The following PLS1 variants were observed in gnomAD, a reference collection of about 807,000 sequenced individuals.
The protein encoded by PLS1 is plastin 1.
PLS1 carries 32 observed loss-of-function variants against 73.7 expected under a neutral mutation model. That is an observed-to-expected ratio of 0.43 (90% CI 0.33 to 0.58). PLS1 has a LOEUF of 0.58. Among genes scored for constraint, PLS1 ranks in the 20% least tolerant of loss-of-function variants. The pLI, the probability that PLS1 is intolerant of heterozygous loss-of-function variation, is 0.04. For missense variants in PLS1, 633 were observed against 740.5 expected (o/e 0.85, Z 1.68); for synonymous variants, 217 against 261.3 (o/e 0.83, Z 1.63).
At chr3:142,691,956 A>G (rs2038094415) in intron 10 of PLS1, among the ~76,000 whole-genome samples, 1 of 152,182 alleles carries the variant, frequency 6.6e-6, no homozygotes, top group South Asian at 2.1e-4. Flanking sequence ...TACACAGGCC[A>G]TAAACTATCA....
chr3:142,628,945 C>T (rs367706647), intron 1 of PLS1, among the ~76,000 whole-genome samples: 2 of 152,200 alleles, frequency 1.3e-5, no homozygotes, highest in African/African-American at 4.8e-5. Flanking sequence ...AGCAGAATGA[C>T]GAAATTCTCT....
chr3:142,633,891 C>A (rs1248536914), intron 1 of PLS1, among the ~76,000 whole-genome samples: 1 of 152,122 alleles, frequency 6.6e-6, no homozygotes, highest in Non-Finnish European at 1.5e-5. Context: ...CCAGAACTAA[C>A]ACAGTTATTA....
At chr3:142,710,004 A>G (rs554487204) in intron 14 of PLS1, among the ~76,000 whole-genome samples, 9 of 152,152 alleles carry the variant, frequency 5.9e-5, no homozygotes, top group Admixed American at 2.0e-4. Flanking sequence ...ATGACATTCT[A>G]CTTTAGAGAT....
At chr3:142,711,803 T>C (rs886755455) in intron 15 of PLS1, 69 bp from the exon 16 acceptor site, 3 of 1,527,166 alleles carry the variant, frequency 2.0e-6, no homozygotes, top group African/African-American at 1.4e-5. Context: ...AATATTTCAC[T>C]CTTTTGTTAA....
intron 1 of PLS1, among the ~76,000 whole-genome samples, chr3:142,601,159 T>G (rs1360537851): frequency 1.3e-5 from 2 of 150,442 alleles, no homozygotes; most frequent in Non-Finnish European, 3.0e-5. Flanking sequence ...TCTCCTGACC[T>G]CGTGATCCGC....
Position 142,698,073 on chromosome 3 carries a change from T to G in PLS1, c.1371+6T>G. 1 of 1,422,456 alleles carries G rather than the reference T, an allele frequency of 7.0e-7. No individual in the cohort carries two copies. The highest frequency in any genetic ancestry group is 2.3e-5 in the East Asian group (1 of 43,944). 88.1% of individuals were successfully genotyped at this position (1,422,456 alleles called of 1,614,324 possible). A position where few individuals can be genotyped will look rare whatever the true frequency, so the allele number is the denominator to read the frequency against. ...TTGGAGGGAACATGAAGAAGGTGAA[T>G]GAAATAATGGCCATGGATATATTGT... is the stretch of plus-strand genomic sequence containing the variant. On this transcript the variant is annotated splice_donor_region_variant and intron_variant, in intron 12 of 15. Coordinates refer to ENST00000457734, the MANE Select transcript of PLS1 (RefSeq NM_001145319.2).
At chr3:142,700,284 A>G (rs1159413557) in intron 12 of PLS1, among the ~76,000 whole-genome samples, 1 of 151,818 alleles carries the variant, frequency 6.6e-6, no homozygotes, top group Non-Finnish European at 1.5e-5. Flanking sequence ...GCACCATTAA[A>G]ATAGCCTTTC....
At chr3:142,600,917 T>TATATATATATA (rs1491180044) in intron 1 of PLS1, among the ~76,000 whole-genome samples, 11 of 11,848 alleles carry the variant, frequency 9.3e-4, no homozygotes, top group South Asian at 4.5e-3. Flanking sequence ...TATATATATA[T>TATATATATATA]TTTTTTTTTT....
chr3:142,672,565 G>A (rs1458102937), intron 4 of PLS1, among the ~76,000 whole-genome samples: 1 of 151,752 alleles, frequency 6.6e-6, no homozygotes, highest in Non-Finnish European at 1.5e-5. Flanking sequence ...GGATGGTCTC[G>A]ATCTCCTGAC....
Position 142,663,268 on chromosome 3 carries a change from T to C in PLS1, c.-36-934T>C, listed in dbSNP as rs564044613. On this transcript the variant is annotated intron_variant, in intron 1 of 15. Coordinates refer to ENST00000457734, the MANE Select transcript of PLS1 (RefSeq NM_001145319.2). ...GAAGGATAAAGACAACAAAATTATATTTGTTGATATTTCTGGATAGAAGGA... is the reference window on the plus strand; with the variant it reads ...GAAGGATAAAGACAACAAAATTATACTTGTTGATATTTCTGGATAGAAGGA... Among the ~76,000 whole-genome samples, 227 of 152,156 alleles carry C rather than the reference T, an allele frequency of 1.5e-3. 1 individual carries two copies. Among genetic ancestry groups the C allele is most frequent in the African/African-American group, 5.3e-3 (222 of 41,524 alleles).
intron 1 of PLS1, among the ~76,000 whole-genome samples, chr3:142,646,175 A>C (rs887777431): frequency 6.6e-6 from 1 of 152,186 alleles, no homozygotes; most frequent in Non-Finnish European, 1.5e-5. Context: ...GAGTCAATAC[A>C]TGTAGTACTT....
At chr3:142,652,282 A>T (rs1238855684) in intron 1 of PLS1, among the ~76,000 whole-genome samples, 1 of 152,262 alleles carries the variant, frequency 6.6e-6, no homozygotes, top group Non-Finnish European at 1.5e-5. Flanking sequence ...TTAGGAAAGT[A>T]CTGGGGACTA....
At chr3:142,628,171 C>T (rs530314908) in intron 1 of PLS1, among the ~76,000 whole-genome samples, 11 of 152,178 alleles carry the variant, frequency 7.2e-5, no homozygotes, top group Non-Finnish European at 1.6e-4. Context: ...GGAGTCAGTT[C>T]GGTTTTTTGA....
intron 1 of PLS1, among the ~76,000 whole-genome samples, chr3:142,598,412 G>C (rs545104141): frequency 6.6e-6 from 1 of 152,244 alleles, no homozygotes; most frequent in East Asian, 1.9e-4. Flanking sequence ...GGCCATGTTA[G>C]AGCTGTATCA....
intron 1 of PLS1, among the ~76,000 whole-genome samples, chr3:142,629,566 G>A (rs1039289045): frequency 6.6e-6 from 1 of 152,130 alleles, no homozygotes; most frequent in Admixed American, 6.5e-5. Flanking sequence ...AGCACACATG[G>A]GTATGAGGAA....
At chr3:142,604,066 T>C (rs1394547677) in intron 1 of PLS1, among the ~76,000 whole-genome samples, 1 of 152,146 alleles carries the variant, frequency 6.6e-6, no homozygotes, top group Non-Finnish European at 1.5e-5. Flanking sequence ...AGAAAGAAGA[T>C]GTTTATATTA....
At chr3:142,637,027 A>T (rs1480040139) in intron 1 of PLS1, among the ~76,000 whole-genome samples, 1 of 152,190 alleles carries the variant, frequency 6.6e-6, no homozygotes, top group Admixed American at 6.5e-5. Context: ...AGTCAAATAT[A>T]CATTTACCAC....
At chr3:142,632,464 C>T (rs915739494) in intron 1 of PLS1, among the ~76,000 whole-genome samples, 3 of 151,966 alleles carry the variant, frequency 2.0e-5, no homozygotes, top group Non-Finnish European at 2.9e-5. Flanking sequence ...TGATTGGACC[C>T]CTTTTGAGAA....
chr3:142,648,594 T>C (rs929641971), intron 1 of PLS1, among the ~76,000 whole-genome samples: 9 of 152,160 alleles, frequency 5.9e-5, no homozygotes, highest in African/African-American at 2.2e-4. Flanking sequence ...TTCAAAACAA[T>C]AATAAAAGCA....
Sources: gnomAD v4.1 joint callset for allele counts (sites outside exome capture counted in the v4.1 genomes callset) on GRCh38, gnomAD v4.1.1 for gene constraint, MANE v1.5 for transcripts, NCBI Gene and HGNC (gene_info 2026-07-23, HGNC 2026-07-21) for gene names.